The following TSPAN15 variants were observed in gnomAD, a reference collection of about 807,000 sequenced individuals.
TSPAN15 encodes tetraspanin-15.
TSPAN15 carries 20 observed loss-of-function variants against 34.5 expected under a neutral mutation model. The observed-to-expected ratio is 0.58, with a 90% CI of 0.41 to 0.84. The LOEUF (loss-of-function observed/expected upper bound fraction) is 0.84, where lower values mean the gene tolerates loss of function less well. Among genes scored for constraint, TSPAN15 ranks in the 40% least tolerant of loss-of-function variants. The pLI is 0.00. For synonymous variants in TSPAN15, 155 were observed against 153.9 expected (o/e 1.01, Z -0.05); for missense variants, 313 against 386.1 (o/e 0.81, Z 1.59).
intron 1 of TSPAN15, among the ~76,000 whole-genome samples, chr10:69,455,745 G>A (rs538459663): frequency 6.6e-6 from 1 of 151,112 alleles, no homozygotes; most frequent in South Asian, 2.1e-4. Flanking sequence ...TTCTAGGAGT[G>A]GGGTTGTTGA....
chr10:69,483,181 G>T (rs544443202), intron 1 of TSPAN15, among the ~76,000 whole-genome samples: 142 of 152,142 alleles, frequency 9.3e-4, no homozygotes, highest in Middle Eastern at 3.4e-3. Flanking sequence ...GTAGAGACAG[G>T]GTTTCACAGT....
chr10:69,531,444 CA>C, the TSPAN15 span, among the ~76,000 whole-genome samples: 1 of 152,066 alleles, frequency 6.6e-6, no homozygotes, highest in South Asian at 2.1e-4. Flanking sequence ...ACTAAAAACA[CA>C]AAAACTATCT....
chr10:69,533,169 C>T, the TSPAN15 span, among the ~76,000 whole-genome samples: 497 of 152,160 alleles, frequency 3.3e-3, no homozygotes, highest in African/African-American at 0.011. Context: ...AGCAATCCCA[C>T]TACTAGAGGA....
At chr10:69,464,198 G>A (rs924552943) in intron 1 of TSPAN15, among the ~76,000 whole-genome samples, 2 of 152,248 alleles carry the variant, frequency 1.3e-5, no homozygotes, top group Admixed American at 6.5e-5. Flanking sequence ...CCAGAACTGT[G>A]AGAGATTAAA....
At chr10:69,525,026 C>T in the TSPAN15 span, among the ~76,000 whole-genome samples, 3 of 147,754 alleles carry the variant, frequency 2.0e-5, no homozygotes, top group Non-Finnish European at 3.0e-5. Context: ...GGCAATCCGC[C>T]GGCCTCAGCC....
intron 1 of TSPAN15, among the ~76,000 whole-genome samples, chr10:69,476,135 A>AACAT (rs1208541961): frequency 1.3e-5 from 2 of 152,126 alleles, no homozygotes; most frequent in African/African-American, 4.8e-5. Context: ...ATGTGTATGG[A>AACAT]AGATTCGAGA....
At chr10:69,532,786 A>G in the TSPAN15 span, among the ~76,000 whole-genome samples, 4 of 152,246 alleles carry the variant, frequency 2.6e-5, no homozygotes, top group African/African-American at 9.6e-5. Flanking sequence ...TACATCTGAC[A>G]AAGGACTAAT....
the TSPAN15 span, among the ~76,000 whole-genome samples, chr10:69,525,483 T>TAA: frequency 3.4e-5 from 4 of 118,110 alleles, no homozygotes; most frequent in South Asian, 2.7e-4. Flanking sequence ...CCTCATCTCT[T>TAA]AAAAAAAAAA....
chr10:69,538,800 A>C, the TSPAN15 span, among the ~76,000 whole-genome samples: 1 of 152,172 alleles, frequency 6.6e-6, no homozygotes, highest in Admixed American at 6.5e-5. Context: ...TAGACGCCCC[A>C]GCCTGTGTGT....
rs189908480 is a variant in TSPAN15, at chr10:69,475,117, G to T, written c.97-8574G>T. On this transcript the variant is annotated intron_variant, in intron 1 of 7. Transcript: ENST00000373290. Reference sequence around the variant, plus strand: ...ACAGAGAGGTCTGGAGAGTGAGGGAGAAAGAAAACCAGGGGGAGGAGGGTG... The same window carrying T: ...ACAGAGAGGTCTGGAGAGTGAGGGATAAAGAAAACCAGGGGGAGGAGGGTG... 4.1e-4 allele frequency among the ~76,000 whole-genome samples: 63 copies of T among 152,262 alleles called. No homozygotes were observed. In the East Asian group the frequency reaches 0.011, roughly 26 times the overall value.
At chr10:69,548,767 A>T in the TSPAN15 span, among the ~76,000 whole-genome samples, 1 of 152,186 alleles carries the variant, frequency 6.6e-6, no homozygotes, top group East Asian at 1.9e-4. Flanking sequence ...GGGAAAGGAC[A>T]ATTACTTGGG....
the TSPAN15 span, among the ~76,000 whole-genome samples, chr10:69,538,071 G>A: frequency 1.3e-5 from 2 of 152,138 alleles, no homozygotes; most frequent in Admixed American, 6.5e-5. Context: ...TCTTATAAGG[G>A]CACTAATCCC....
At chr10:69,518,754 CA>C in the TSPAN15 span, among the ~76,000 whole-genome samples, 1 of 152,164 alleles carries the variant, frequency 6.6e-6, no homozygotes, top group East Asian at 1.9e-4. Context: ...TAAAAGAACT[CA>C]GTAAAATTAA....
In TSPAN15 at chr10:69,498,362, G is replaced by A. The variant is rs1251622644; in HGVS notation, c.536G>A (p.Cys179Tyr). 2.5e-6 allele frequency: 4 copies of A among 1,613,918 alleles called. No individual in the cohort carries two copies. Among genetic ancestry groups the A allele is most frequent in the South Asian group, 1.1e-5 (1 of 91,068 alleles). Residue 179 changes from cysteine (C) to tyrosine (Y), a missense_variant, in exon 5 of 8, where the codon TGT (cysteine) becomes TAT (tyrosine). Transcript: ENST00000373290. ...TGCAGTGCCCCTGGACCCCTGGCCT[G>A]TGGGGTGCCCTACACCTGCTGCATC... is the stretch of plus-strand genomic sequence containing the variant. ...HDCSAPGPLA[C>Y]GVPYTCCIRN...
chr10:69,501,167 G>C (rs1437517577), intron 5 of TSPAN15, among the ~76,000 whole-genome samples: 2 of 152,212 alleles, frequency 1.3e-5, no homozygotes, highest in African/African-American at 4.8e-5. Context: ...CGTGGACGTG[G>C]GGGGTTTGAG....
intron 1 of TSPAN15, among the ~76,000 whole-genome samples, chr10:69,463,599 C>A (rs566206877): frequency 6.6e-6 from 1 of 152,158 alleles, no homozygotes; most frequent in Admixed American, 6.5e-5. Context: ...CACTTGAGGT[C>A]AGGAGTTAGA....
chr10:69,540,047 T>C, the TSPAN15 span, among the ~76,000 whole-genome samples: 4 of 151,994 alleles, frequency 2.6e-5, no homozygotes, highest in African/African-American at 9.7e-5. Flanking sequence ...TGCACCATGA[T>C]GCCCGGCTAA....
chr10:69,534,486 A>C, the TSPAN15 span, among the ~76,000 whole-genome samples: 1 of 152,336 alleles, frequency 6.6e-6, no homozygotes, highest in African/African-American at 2.4e-5. Context: ...GAGCTTATCA[A>C]AAATATTTTA....
intron 1 of TSPAN15, among the ~76,000 whole-genome samples, chr10:69,466,244 C>G (rs571504969): frequency 6.6e-6 from 1 of 152,318 alleles, no homozygotes; most frequent in African/African-American, 2.4e-5. Context: ...TGACAGAGCA[C>G]TGGCCTGGGA....
Sources: gnomAD v4.1 joint callset for allele counts (sites outside exome capture counted in the v4.1 genomes callset) on GRCh38, gnomAD v4.1.1 for gene constraint, MANE v1.5 for transcripts, NCBI Gene and HGNC (gene_info 2026-07-23, HGNC 2026-07-21) for gene names.